The following LRRC7 variants were observed in gnomAD, a reference collection of about 807,000 sequenced individuals.
The protein encoded by LRRC7 is leucine-rich repeat-containing protein 7.
LRRC7 carries 23 observed loss-of-function variants against 175.7 expected under a neutral mutation model. That is an observed-to-expected ratio of 0.13 (90% CI 0.09 to 0.19). The LOEUF is 0.19. Ranked by LOEUF, LRRC7 falls within the 10% of genes least tolerant of loss-of-function variation. LRRC7 has a pLI of 1.00. For synonymous variants in LRRC7, 685 were observed against 680.9 expected (o/e 1.01, Z -0.09); for missense variants, 1,354 against 1,904.7 (o/e 0.71, Z 5.38).
rs1661909442 is a variant in LRRC7 at position 70,065,553 on chromosome 1, G to A, written c.4231-10524G>A. Reference sequence around the variant, plus strand: ...TTAGCTTTGTTCCTAACAATAGGTTGTTAATGAGACCAAAGTCATGAGTTA... The same window carrying A: ...TTAGCTTTGTTCCTAACAATAGGTTATTAATGAGACCAAAGTCATGAGTTA... On this transcript the variant is annotated intron_variant, in intron 23 of 26. Transcript: ENST00000651989. Among the ~76,000 whole-genome samples, 4 of 152,044 alleles carry A rather than the reference G, an allele frequency of 2.6e-5. No individual in the cohort carries two copies. In the South Asian group the frequency reaches 8.3e-4, roughly 32 times the overall value.
chr1:69,673,870 A>C (rs1356879264), intron 1 of LRRC7, among the ~76,000 whole-genome samples: 3 of 152,166 alleles, frequency 2.0e-5, no homozygotes, highest in African/African-American at 7.2e-5. Context: ...GGCAGTTCTC[A>C]AAAACTTAAA....
intron 1 of LRRC7, among the ~76,000 whole-genome samples, chr1:69,601,330 T>G (rs1647062465): frequency 2.0e-5 from 3 of 152,216 alleles, no homozygotes. Flanking sequence ...TCATACTCTT[T>G]CCAACTCTAA....
chr1:69,680,232 C>T (rs770265921), intron 2 of LRRC7, among the ~76,000 whole-genome samples: 1 of 152,102 alleles, frequency 6.6e-6, no homozygotes, highest in Non-Finnish European at 1.5e-5. Flanking sequence ...TTTTAAGAAG[C>T]TCTGCAGGAG....
intron 4 of LRRC7, among the ~76,000 whole-genome samples, chr1:69,802,323 T>TC (rs1254754309): frequency 6.6e-6 from 1 of 151,576 alleles, no homozygotes; most frequent in Non-Finnish European, 1.5e-5. Flanking sequence ...GGTGTTGAAG[T>TC]CCCCCACTAT....
intron 8 of LRRC7, among the ~76,000 whole-genome samples, chr1:69,953,690 C>T (rs1033366167): frequency 3.9e-5 from 6 of 152,006 alleles, no homozygotes; most frequent in African/African-American, 1.4e-4. Flanking sequence ...TAACCAACTG[C>T]ACTAACTAGG....
chr1:69,919,885 C>A, intron 7 of LRRC7: 1 of 662,882 alleles, frequency 1.5e-6, no homozygotes, highest in Non-Finnish European at 2.7e-6. Flanking sequence ...CCGCTGCCTG[C>A]TGGCCAGTGG....
At chr1:69,569,906 CAAAAAAAAAAAA>C (rs71071364) in intron 1 of LRRC7, among the ~76,000 whole-genome samples, 2 of 87,104 alleles carry the variant, frequency 2.3e-5, no homozygotes, top group African/African-American at 4.7e-5. Flanking sequence ...AAAGGAATTA[CAAAAAAAAAAAA>C]AAAAAAAAAA....
chr1:69,654,819 T>C (rs1161462568), intron 1 of LRRC7, among the ~76,000 whole-genome samples: 1 of 152,162 alleles, frequency 6.6e-6, no homozygotes, highest in African/African-American at 2.4e-5. Flanking sequence ...TTATTCACCA[T>C]TAATAAATGA....
chr1:70,019,157 A>T (rs1226399518), intron 15 of LRRC7, among the ~76,000 whole-genome samples: 4 of 152,062 alleles, frequency 2.6e-5, no homozygotes, highest in Admixed American at 2.6e-4. Context: ...GAGCAGTCAG[A>T]TCCTAAGGAA....
chr1:69,689,852 G>T (rs535641557), intron 2 of LRRC7, among the ~76,000 whole-genome samples: 1 of 152,194 alleles, frequency 6.6e-6, no homozygotes, highest in Admixed American at 6.5e-5. Flanking sequence ...AGTTGTACTA[G>T]GCTGAATTTT....
At chr1:69,776,211 C>T (rs1382572905) in intron 3 of LRRC7, among the ~76,000 whole-genome samples, 1 of 152,036 alleles carries the variant, frequency 6.6e-6, no homozygotes, top group Non-Finnish European at 1.5e-5. Context: ...CATCTACTGA[C>T]CCTGTGGTAA....
intron 15 of LRRC7, chr1:70,020,716 T>C (rs1657397449): frequency 5.5e-6 from 1 of 181,586 alleles, no homozygotes; most frequent in Non-Finnish European, 1.2e-5. Flanking sequence ...TAACTCTCTA[T>C]ATTATTATTA....
At chr1:69,857,436 G>T (rs1422748313) in intron 7 of LRRC7, among the ~76,000 whole-genome samples, 1 of 152,134 alleles carries the variant, frequency 6.6e-6, no homozygotes. Context: ...CAAAATCAAT[G>T]TGCAAAAATC....
Position 70,089,677 on chromosome 1 carries a change from A to G in LRRC7, c.4453-50A>G. On this transcript the variant is annotated intron_variant, in intron 24 of 26. Coordinates refer to ENST00000651989, the MANE Select transcript of LRRC7 (RefSeq NM_001370785.2). ...TACTGAAATACAGTTATTTGAAAAT[A>G]TTTAGCTTTGATAACTGTTTACTTA... 3.2e-6 allele frequency: 4 copies of G among 1,248,112 alleles called. No individual in the cohort carries two copies. The South Asian group carries it at 5.2e-5, about 16-fold the overall frequency. The allele number at this position is 1,248,112 out of a possible 1,614,324, so 77.3% of individuals were successfully genotyped here.
intron 8 of LRRC7, among the ~76,000 whole-genome samples, chr1:69,948,590 G>A (rs1649586055): frequency 6.6e-6 from 1 of 152,050 alleles, no homozygotes; most frequent in African/African-American, 2.4e-5. Context: ...AAGAAATGTG[G>A]GTGGCAGTAG....
chr1:69,717,400 C>A (rs1426785012), intron 2 of LRRC7, among the ~76,000 whole-genome samples: 1 of 151,652 alleles, frequency 6.6e-6, no homozygotes, highest in Non-Finnish European at 1.5e-5. Flanking sequence ...ATAAATACTT[C>A]ACAGATAAAT....
chr1:69,752,581 A>G (rs1403531097), intron 2 of LRRC7, among the ~76,000 whole-genome samples: 1 of 152,152 alleles, frequency 6.6e-6, no homozygotes, highest in Admixed American at 6.6e-5. Context: ...TCAGTAGGGA[A>G]GGATTTGAAG....
rs558685494 is a variant in LRRC7, at chr1:69,587,280, A to G, written c.2+18639A>G. 1.3e-4 allele frequency among the ~76,000 whole-genome samples: 20 copies of G among 151,766 alleles called. No individual in the cohort carries two copies. In the South Asian group the frequency reaches 4.2e-3, roughly 32 times the overall value. Reference sequence around the variant, plus strand: ...GATCTCCAATTTCTAAATAGTTTTCATTTTCCTCTTCTCTCATTGTACCCA... The same window carrying G: ...GATCTCCAATTTCTAAATAGTTTTCGTTTTCCTCTTCTCTCATTGTACCCA... On this transcript the variant is annotated intron_variant, in intron 1 of 26. Transcript: ENST00000651989.
At chr1:69,968,914 G>T (rs981853337) in intron 8 of LRRC7, among the ~76,000 whole-genome samples, 5 of 151,848 alleles carry the variant, frequency 3.3e-5, no homozygotes, top group Non-Finnish European at 5.9e-5. Context: ...CGCCTCCCAG[G>T]TTCACACCAT....
Sources: gnomAD v4.1 joint callset for allele counts (sites outside exome capture counted in the v4.1 genomes callset) on GRCh38, gnomAD v4.1.1 for gene constraint, MANE v1.5 for transcripts, NCBI Gene and HGNC (gene_info 2026-07-23, HGNC 2026-07-21) for gene names.